SH3GL3: variants seen among roughly 807,000 people sequenced by gnomAD.
SH3GL3 encodes the protein SH3 domain containing GRB2 like 3, endophilin A3, also known as endophilin-A3.
Under a neutral mutation model 47.7 loss-of-function variants are expected in SH3GL3, and 33 were observed. The ratio of observed to expected loss-of-function variants is 0.69; its 90% CI spans 0.52 to 0.92. The LOEUF (loss-of-function observed/expected upper bound fraction) is 0.92. Among genes scored for constraint, SH3GL3 ranks in the 40% least tolerant of loss-of-function variants. The pLI is 0.00. For missense variants in SH3GL3, 363 were observed against 417.8 expected, an observed-to-expected ratio of 0.87 and a Z score of 1.14; for synonymous variants, 155 against 148.8, an observed-to-expected ratio of 1.04 and a Z score of -0.30.
chr15:83,616,143 T>A (rs1384796842), intron 8 of SH3GL3, among the ~76,000 whole-genome samples: 1 of 152,078 alleles, frequency 6.6e-6, no homozygotes, highest in Non-Finnish European at 1.5e-5. Flanking sequence ...GGTAAATATG[T>A]GTAGTATAAA....
At position 83,565,440 on chromosome 15, in the gene SH3GL3, G is replaced by A. The variant is rs922123704; in HGVS notation, c.187+234G>A. 1.5e-5 allele frequency: 7 copies of A among 470,308 alleles called. No individual in the cohort carries two copies. The East Asian group carries it at 2.7e-4, about 18-fold the overall frequency. The allele number at this position is 470,308 out of a possible 1,614,324, so 29.1% of individuals were successfully genotyped here. The stretch of plus-strand genomic sequence containing the variant: ...TTGACATCATCCGAATGGAGTGCTG[G>A]TCATAGCAACAAGAGAGCACTGAGC... On this transcript the variant is annotated intron_variant, in intron 3 of 8. Transcript: ENST00000427482.
Position 83,448,630 on chromosome 15 carries a change from T to C in SH3GL3, c.45+1052T>C, listed in dbSNP as rs2039575243. Among the ~76,000 whole-genome samples, 1 of 152,126 alleles carries C rather than the reference T, an allele frequency of 6.6e-6. No homozygotes were observed. Among genetic ancestry groups the C allele is most frequent in the South Asian group, 2.1e-4 (1 of 4,830 alleles). On this transcript the variant is annotated intron_variant, in intron 1 of 8. Transcript: ENST00000427482. The surrounding 1 kb of genome is among the most constrained non-coding windows in gnomAD (Gnocchi z 4.2). ...CCCGCAACCCCAGCCCCCATTTTGC[T>C]AGAGCCAGGGTAGACAGATTTCATT...
chr15:83,464,009 G>A (rs554099751), intron 1 of SH3GL3, among the ~76,000 whole-genome samples: 38 of 151,964 alleles, frequency 2.5e-4, no homozygotes, highest in Admixed American at 1.7e-3. Flanking sequence ...TGATCCGCCC[G>A]CCTCGGCCTC....
intron 1 of SH3GL3, 143 bp from the exon 2 acceptor site, chr15:83,559,110 T>C: frequency 1.6e-6 from 1 of 621,818 alleles, no homozygotes; most frequent in Non-Finnish European, 2.9e-6. Context: ...GGTTACCCCT[T>C]CCAACAATTT....
intron 1 of SH3GL3, among the ~76,000 whole-genome samples, chr15:83,495,005 G>T (rs1464745638): frequency 6.6e-6 from 1 of 152,104 alleles, no homozygotes; most frequent in Non-Finnish European, 1.5e-5. Context: ...TTCCCTTGGT[G>T]CTGGGCACAG....
chr15:83,608,992 G>A (rs1198161671), intron 8 of SH3GL3, among the ~76,000 whole-genome samples: 21 of 152,124 alleles, frequency 1.4e-4, no homozygotes, highest in Admixed American at 7.2e-4. Context: ...GGAAGTGAGC[G>A]GAATATAAGC....
chr15:83,562,753 A>C (rs931453066), intron 2 of SH3GL3, among the ~76,000 whole-genome samples: 1 of 152,196 alleles, frequency 6.6e-6, no homozygotes, highest in Non-Finnish European at 1.5e-5. Context: ...GACTCCCTCA[A>C]ACTTTACATA....
chr15:83,477,182 A>C (rs900674821), intron 1 of SH3GL3, among the ~76,000 whole-genome samples: 4 of 152,204 alleles, frequency 2.6e-5, no homozygotes, highest in Non-Finnish European at 5.9e-5. Flanking sequence ...GAACTCAAGA[A>C]GCATTTTTGG....
At chr15:83,474,889 A>T (rs1045156959) in intron 1 of SH3GL3, among the ~76,000 whole-genome samples, 1 of 152,094 alleles carries the variant, frequency 6.6e-6, no homozygotes, top group Non-Finnish European at 1.5e-5. Context: ...GAGCAGCAGA[A>T]GGCAGGCTTT....
chr15:83,490,519 G>A (rs2041831500), intron 1 of SH3GL3, among the ~76,000 whole-genome samples: 1 of 152,134 alleles, frequency 6.6e-6, no homozygotes, highest in African/African-American at 2.4e-5. Flanking sequence ...AGGGCAGAGG[G>A]TGCTCTGAAG....
chr15:83,449,853 G>C (rs1471433041), intron 1 of SH3GL3, among the ~76,000 whole-genome samples: 1 of 151,824 alleles, frequency 6.6e-6, no homozygotes, highest in Admixed American at 6.6e-5. Context: ...ATATGTTCTA[G>C]AAGTCTTTCT....
At position 83,533,312 on chromosome 15, in the gene SH3GL3, C is replaced by T. The variant is rs551671991; in HGVS notation, c.46-25941C>T. 1.6e-4 allele frequency among the ~76,000 whole-genome samples: 25 copies of T among 152,146 alleles called. No homozygotes were observed. In the South Asian group the frequency reaches 4.2e-3, roughly 25 times the overall value. Reference sequence around the variant, plus strand: ...TGAGTGGGAGAGATTGAAGATGCACCGGAGCTTTCACACCCCAGGACAATA... The same window carrying T: ...TGAGTGGGAGAGATTGAAGATGCACTGGAGCTTTCACACCCCAGGACAATA... On this transcript the variant is annotated intron_variant, in intron 1 of 8. Coordinates refer to ENST00000427482, the MANE Select transcript of SH3GL3 (RefSeq NM_003027.5).
chr15:83,559,082 TC>T (rs1279712577), intron 1 of SH3GL3, among the ~76,000 whole-genome samples, 170 bp from the exon 2 acceptor site: 1 of 152,252 alleles, frequency 6.6e-6, no homozygotes, highest in Non-Finnish European at 1.5e-5. Flanking sequence ...ATGTATGTCT[TC>T]CTGTGCCTTT....
chr15:83,618,302 C>T lies in SH3GL3; in HGVS notation c.*15C>T, dbSNP rs1596363347. On this transcript the variant is annotated 3_prime_UTR_variant, in exon 9 of 9. Transcript: ENST00000427482. ...TACCTCAGTAAATGTGTAACACAAA[C>T]TCTGGACATACTTTCGTAACTGAAA... is the stretch of plus-strand genomic sequence containing the variant. 2 of 1,499,674 alleles carry T rather than the reference C, an allele frequency of 1.3e-6. No homozygotes were observed. Among genetic ancestry groups the T allele is most frequent in the Admixed American group, 3.3e-5 (2 of 59,880 alleles). The allele number at this position is 1,499,674 out of a possible 1,614,324, so 92.9% of individuals were successfully genotyped here.
chr15:83,589,342 T>C (rs924670009), intron 8 of SH3GL3, among the ~76,000 whole-genome samples: 7 of 152,206 alleles, frequency 4.6e-5, no homozygotes, highest in Admixed American at 2.6e-4. Context: ...TACATAAATA[T>C]ACACATAAAC....
chr15:83,510,401 G>T (rs556588534), intron 1 of SH3GL3, among the ~76,000 whole-genome samples: 16 of 152,244 alleles, frequency 1.1e-4, no homozygotes, highest in African/African-American at 3.9e-4. Flanking sequence ...AATTAGCTTT[G>T]CTTATATAAG....
chr15:83,472,091 C>T (rs2040857725), intron 1 of SH3GL3, among the ~76,000 whole-genome samples: 2 of 152,174 alleles, frequency 1.3e-5, no homozygotes, highest in South Asian at 4.1e-4. Flanking sequence ...GCCATGTTGG[C>T]CAGGCTCATC....
intron 8 of SH3GL3, among the ~76,000 whole-genome samples, chr15:83,596,303 T>G (rs1316603535): frequency 2.6e-5 from 4 of 152,252 alleles, no homozygotes; most frequent in Admixed American, 6.5e-5. Flanking sequence ...ATGATCCATC[T>G]TGGTAAATGA....
At chr15:83,559,492 T>C (rs1208877040) in intron 2 of SH3GL3, among the ~76,000 whole-genome samples, 171 bp downstream of exon 2, 1 of 152,102 alleles carries the variant, frequency 6.6e-6, no homozygotes, top group Non-Finnish European at 1.5e-5. Flanking sequence ...AATCAGATCC[T>C]CCCCCTGTAG....
Sources: gnomAD v4.1 joint callset for allele counts (sites outside exome capture counted in the v4.1 genomes callset) on GRCh38, gnomAD v4.1.1 for gene constraint, Gnocchi (gnomAD v3.1) non-coding constraint, MANE v1.5 for transcripts, NCBI Gene and HGNC (gene_info 2026-07-23, HGNC 2026-07-21) for gene names.